Variants in CCDC102B observed in about 807,000 individuals in gnomAD.
The protein encoded by CCDC102B is coiled-coil domain containing 102B.
CCDC102B carries 75 observed loss-of-function variants against 57.4 expected under a neutral mutation model. The ratio of observed to expected loss-of-function variants is 1.31; its 90% confidence interval spans 1.08 to 1.58. The LOEUF (loss-of-function observed/expected upper bound fraction) is 1.58, where lower values mean the gene tolerates loss of function less well. Ranked by LOEUF, CCDC102B falls within the 40% of genes most tolerant of loss-of-function variation. CCDC102B has a pLI of 0.00. For synonymous variants in CCDC102B, 206 were observed against 201.9 expected (o/e 1.02, Z -0.17); for missense variants, 636 against 582.6 (o/e 1.09, Z -0.94).
chr18:68,989,520 A>G (rs1361540651), intron 6 of CCDC102B, among the ~76,000 whole-genome samples: 1 of 152,184 alleles, frequency 6.6e-6, no homozygotes, highest in Non-Finnish European at 1.5e-5. Context: ...GAGCTTCGAC[A>G]TTATTACTGG....
chr18:68,804,402 T>G (rs1444833945), intron 1 of CCDC102B, among the ~76,000 whole-genome samples: 1 of 152,194 alleles, frequency 6.6e-6, no homozygotes, highest in Non-Finnish European at 1.5e-5. Context: ...AAGGAACATC[T>G]CAGGCCAGAG....
rs955657601 is a variant in CCDC102B at position 68,993,394 on chromosome 18, T to C, written c.1264-17540T>C. ...TTGGCTCATGACAGATTGTCACATA[T>C]TCTTTAGATGGTTTTAAGAAGGATA... On this transcript the variant is annotated intron_variant, in intron 6 of 7. Transcript: ENST00000360242. 1.2e-4 allele frequency: 18 copies of C among 152,232 alleles called. 1 individual carries two copies. Among genetic ancestry groups the C allele is most frequent in the Non-Finnish European group, 2.9e-5 (2 of 68,046 alleles). 9.4% of individuals were successfully genotyped at this position (152,232 alleles called of 1,614,324 possible).
At chr18:68,745,396 A>C (rs911376077) in intron 2 of CCDC102B, among the ~76,000 whole-genome samples, 2 of 152,108 alleles carry the variant, frequency 1.3e-5, no homozygotes, top group African/African-American at 4.8e-5. Flanking sequence ...AGTACCTCCT[A>C]CAACTCAGTC....
Position 68,939,414 on chromosome 18 carries a change from A to C in CCDC102B, c.1263+41986A>C, listed in dbSNP as rs185007691. On this transcript the variant is annotated intron_variant, in intron 6 of 7. Coordinates refer to ENST00000360242, the MANE Select transcript of CCDC102B (RefSeq NM_024781.3). ...TATTTTTTAATATATAACTTTTTAT[A>C]AATTTAGAGAAAAACATCCTTCTAT... Among the ~76,000 whole-genome samples the C allele has an allele frequency of 6.9e-3, 1,042 of 151,826 alleles. 6 individuals carry two copies. The highest frequency in any genetic ancestry group is 0.027 in the Middle Eastern group (8 of 294).
At chr18:68,974,865 G>A (rs986207354) in intron 6 of CCDC102B, among the ~76,000 whole-genome samples, 7 of 151,786 alleles carry the variant, frequency 4.6e-5, no homozygotes, top group South Asian at 2.1e-4. Flanking sequence ...CTTTGCATGT[G>A]TTACTGTTTA....
chr18:68,842,827 TG>T (rs1484415655), intron 3 of CCDC102B, among the ~76,000 whole-genome samples: 1 of 152,190 alleles, frequency 6.6e-6, no homozygotes, highest in Non-Finnish European at 1.5e-5. Flanking sequence ...AGAAATATTT[TG>T]AGCTATAATG....
intron 1 of CCDC102B, among the ~76,000 whole-genome samples, chr18:68,817,714 A>G (rs2036539193): frequency 6.6e-6 from 1 of 152,176 alleles, no homozygotes; most frequent in Non-Finnish European, 1.5e-5. Flanking sequence ...GTGGGTGTGT[A>G]GGGGTAAACA....
intron 2 of CCDC102B, among the ~76,000 whole-genome samples, chr18:68,749,652 C>T (rs934958963): frequency 2.0e-5 from 3 of 152,136 alleles, no homozygotes; most frequent in African/African-American, 4.8e-5. Context: ...GCTGAAGTTG[C>T]TTACCACCTT....
intron 2 of CCDC102B, among the ~76,000 whole-genome samples, chr18:68,722,395 A>G (rs1346433760): frequency 6.6e-6 from 1 of 152,168 alleles, no homozygotes; most frequent in African/African-American, 2.4e-5. Context: ...TCCATCTGGG[A>G]TGCTCCTCAT....
At chr18:68,959,641 A>G (rs1420055076) in intron 6 of CCDC102B, among the ~76,000 whole-genome samples, 1 of 152,032 alleles carries the variant, frequency 6.6e-6, no homozygotes, top group Non-Finnish European at 1.5e-5. Context: ...TCCGGAAGCC[A>G]GGGGCAGCCA....
chr18:68,972,779 T>G (rs2050335052), intron 6 of CCDC102B, among the ~76,000 whole-genome samples: 1 of 152,168 alleles, frequency 6.6e-6, no homozygotes, highest in South Asian at 2.1e-4. Flanking sequence ...ACAAGTAATT[T>G]CCGGGTGAGT....
intron 2 of CCDC102B, among the ~76,000 whole-genome samples, chr18:68,782,439 G>C (rs2035037324): frequency 6.6e-6 from 1 of 151,942 alleles, no homozygotes; most frequent in Non-Finnish European, 1.5e-5. Context: ...GTCAATACAA[G>C]CTATGTCTGT....
At chr18:68,925,660 A>G (rs1321531456) in intron 6 of CCDC102B, among the ~76,000 whole-genome samples, 1 of 151,976 alleles carries the variant, frequency 6.6e-6, no homozygotes, top group Non-Finnish European at 1.5e-5. Context: ...TTCATTTTGT[A>G]CTTATAGGTG....
At chr18:68,963,433 A>G (rs534613518) in intron 6 of CCDC102B, among the ~76,000 whole-genome samples, 1 of 152,050 alleles carries the variant, frequency 6.6e-6, no homozygotes, top group East Asian at 1.9e-4. Flanking sequence ...ACATAGACAA[A>G]AAAAGGCAAA....
intron 6 of CCDC102B, among the ~76,000 whole-genome samples, chr18:68,920,545 C>T (rs1002911002): frequency 2.6e-5 from 4 of 152,012 alleles, no homozygotes; most frequent in Non-Finnish European, 5.9e-5. Context: ...CTGGGGAGGC[C>T]TCAGAATCAT....
chr18:68,973,102 C>G (rs2050343005), intron 6 of CCDC102B, among the ~76,000 whole-genome samples: 2 of 152,120 alleles, frequency 1.3e-5, no homozygotes, highest in Non-Finnish European at 2.9e-5. Context: ...CATATCGCTA[C>G]AGTATGCATG....
chr18:68,908,846 A>C lies in CCDC102B; in HGVS notation c.1263+11418A>C, dbSNP rs528138135. ...TTACTTACATACTAGGTTTTATTTA[A>C]ATTTACAGATTTATATGAGTGTATG... On this transcript the variant is annotated intron_variant, in intron 6 of 7. Transcript: ENST00000360242. Among the ~76,000 whole-genome samples, 219 of 152,204 alleles carry C rather than the reference A, an allele frequency of 1.4e-3. 1 individual carries two copies. The highest frequency in any genetic ancestry group is 6.8e-3 in the Middle Eastern group (2 of 294).
intron 2 of CCDC102B, chr18:68,838,328 T>C (rs2037475011): frequency 6.3e-6 from 5 of 792,820 alleles, no homozygotes; most frequent in Non-Finnish European, 7.6e-6. Context: ...TGTTAAAAAA[T>C]GATTGCTTTG....
intron 3 of CCDC102B, 135 bp downstream of exon 3, chr18:68,839,061 T>G: frequency 2.7e-6 from 2 of 741,944 alleles, no homozygotes; most frequent in Non-Finnish European, 4.6e-6. Context: ...TTAAAGAAAT[T>G]AGTTTGATAT....
Sources: gnomAD v4.1 joint callset for allele counts (sites outside exome capture counted in the v4.1 genomes callset) on GRCh38, gnomAD v4.1.1 for gene constraint, MANE v1.5 for transcripts, NCBI Gene and HGNC (gene_info 2026-07-23, HGNC 2026-07-21) for gene names.